GALNT14: variants seen among roughly 807,000 people sequenced by gnomAD.
GALNT14 encodes the protein polypeptide N-acetylgalactosaminyltransferase 14, also known as UDP-GalNAc:polypeptide N-acetylgalactosaminyltransferase 14.
A neutral mutation model predicts 77.5 loss-of-function variants in GALNT14; 60 were observed. The observed-to-expected ratio is 0.77, with a 90% confidence interval of 0.63 to 0.96. The LOEUF (loss-of-function observed/expected upper bound fraction) is 0.96, where lower values mean the gene tolerates loss of function less well. Among genes scored for constraint, GALNT14 ranks in the 40% least tolerant of loss-of-function variants. GALNT14 has a pLI of 0.00. For missense variants in GALNT14, 710 were observed against 731.0 expected, an observed-to-expected ratio of 0.97 and a Z score of 0.33; for synonymous variants, 280 against 281.7, an observed-to-expected ratio of 0.99 and a Z score of 0.06.
At chr2:30,915,619 C>T (rs1205611514) in intron 13 of GALNT14, among the ~76,000 whole-genome samples, 1 of 152,220 alleles carries the variant, frequency 6.6e-6, no homozygotes, top group East Asian at 1.9e-4. Flanking sequence ...ATCCTGCAGT[C>T]AGAAACAGAC....
intron 1 of GALNT14, among the ~76,000 whole-genome samples, chr2:31,023,444 G>A (rs140577446): frequency 5.5e-4 from 84 of 152,120 alleles, no homozygotes; most frequent in Admixed American, 1.3e-3. Flanking sequence ...CATACATGCG[G>A]TGAATTTCCC....
At chr2:30,936,507 T>C (rs1430512229) in intron 9 of GALNT14, among the ~76,000 whole-genome samples, 4 of 152,226 alleles carry the variant, frequency 2.6e-5, no homozygotes, top group African/African-American at 9.6e-5. Flanking sequence ...TACAATAGCA[T>C]TGTCCATTCT....
At chr2:31,057,529 G>T (rs987754598) in intron 1 of GALNT14, among the ~76,000 whole-genome samples, 1 of 151,316 alleles carries the variant, frequency 6.6e-6, no homozygotes, top group Non-Finnish European at 1.5e-5. Flanking sequence ...ACGGCACCAG[G>T]CCTGGCTCTA....
At chr2:30,916,796 G>A (rs1664707358) in intron 13 of GALNT14, among the ~76,000 whole-genome samples, 1 of 150,170 alleles carries the variant, frequency 6.7e-6, no homozygotes, top group Non-Finnish European at 1.5e-5. Context: ...AACTAAAAGA[G>A]GGTCAGGCGC....
chr2:31,043,958 ATCCC>A (rs1673261848), intron 1 of GALNT14, among the ~76,000 whole-genome samples: 2 of 13,964 alleles, frequency 1.4e-4, no homozygotes, highest in Admixed American at 1.2e-3. Context: ...TGCTCCCTGC[ATCCC>A]AGGGACCAGC....
At position 31,013,693 on chromosome 2, in the gene GALNT14, A is replaced by C. The variant is rs183100117; in HGVS notation, c.130-20686T>G. ...CCACTATGGCAGACTTCTAATTTGG[A>C]CCCCAGTCTGTCTGGCCCATGCTCT... On this transcript the variant is annotated intron_variant, in intron 1 of 14. Transcript: ENST00000349752. Among the ~76,000 whole-genome samples the C allele has an allele frequency of 3.8e-4, 57 of 151,852 alleles. No homozygotes were observed. In the East Asian group the frequency reaches 0.011, roughly 29 times the overall value.
intron 1 of GALNT14, among the ~76,000 whole-genome samples, chr2:31,024,340 C>A (rs1428700443): frequency 6.6e-6 from 1 of 152,140 alleles, no homozygotes; most frequent in Non-Finnish European, 1.5e-5. Flanking sequence ...CTTCTCCTGG[C>A]TGCACAACTC....
Position 30,924,286 on chromosome 2 carries a change from G to C in GALNT14, c.1236-23C>G, listed in dbSNP as rs1665219364. The stretch of plus-strand genomic sequence containing the variant: ...ATGCTGGAGGAGAGTCACAGGGAGA[G>C]AGGAGAGTCCACTGCTCATTGGATT... On this transcript the variant is annotated intron_variant, in intron 12 of 14. Transcript: ENST00000349752. 1.9e-6 allele frequency: 3 copies of C among 1,613,418 alleles called. No homozygotes were observed. The African/African-American group carries it at 4.0e-5, about 22-fold the overall frequency.
At position 30,917,076 on chromosome 2, in the gene GALNT14, C is replaced by CAAAAAAAAAAAAAAAAA. The variant is rs529653696; in HGVS notation, c.1381-4751_1381-4735dup. On this transcript the variant is annotated intron_variant, in intron 13 of 14. Transcript: ENST00000349752. ...TGGGCAAAAGAGTAAGACTCCGTCT[C>CAAAAAAAAAAAAAAAAA]AAAAAAAAAAAAAAAAAAAAAAAAA... Among the ~76,000 whole-genome samples, 31 of 19,908 alleles carry CAAAAAAAAAAAAAAAAA rather than the reference C, an allele frequency of 1.6e-3. 8 individuals are homozygous for CAAAAAAAAAAAAAAAAA. Among genetic ancestry groups the CAAAAAAAAAAAAAAAAA allele is most frequent in the Non-Finnish European group, 2.4e-3 (26 of 10,812 alleles). 13.1% of individuals were successfully genotyped at this position (19,908 alleles called of 152,430 possible).
chr2:31,075,556 G>C (rs548919823), intron 1 of GALNT14, among the ~76,000 whole-genome samples: 2 of 152,324 alleles, frequency 1.3e-5, no homozygotes, highest in African/African-American at 4.8e-5. Context: ...GCATTTCTGA[G>C]AAATAGAGAG....
In GALNT14 at chr2:31,008,824, C is replaced by T. The variant is rs1177631112; in HGVS notation, c.130-15817G>A. On this transcript the variant is annotated intron_variant, in intron 1 of 14. Coordinates refer to ENST00000349752, the MANE Select transcript of GALNT14 (RefSeq NM_024572.4). ...GATTACAGTGCAGTCGACACCGCTC[C>T]GGGAGGAAAGGCGACAGGGACTCTA... 3.9e-5 allele frequency among the ~76,000 whole-genome samples: 6 copies of T among 152,172 alleles called. No individual in the cohort carries two copies. In the East Asian group the frequency reaches 5.8e-4, roughly 15 times the overall value.
chr2:31,096,503 G>C (rs1010377561), intron 1 of GALNT14, among the ~76,000 whole-genome samples: 2 of 152,126 alleles, frequency 1.3e-5, no homozygotes, highest in African/African-American at 4.8e-5. Context: ...ATAAAACAGA[G>C]TCATTAAAAG....
chr2:31,096,537 C>T (rs970880900), intron 1 of GALNT14, among the ~76,000 whole-genome samples: 12 of 152,140 alleles, frequency 7.9e-5, no homozygotes, highest in Admixed American at 7.2e-4. Context: ...TTGTGCATTA[C>T]AGTCTTCAAA....
chr2:31,076,025 G>C (rs556621278), intron 1 of GALNT14, among the ~76,000 whole-genome samples: 1 of 152,132 alleles, frequency 6.6e-6, no homozygotes, highest in Admixed American at 6.6e-5. Flanking sequence ...CAACCTATCC[G>C]TCTACCTGGT....
chr2:30,981,858 C>G (rs1209566285), intron 2 of GALNT14, among the ~76,000 whole-genome samples: 1 of 152,184 alleles, frequency 6.6e-6, no homozygotes, highest in Non-Finnish European at 1.5e-5. Flanking sequence ...ACCCAGGGAG[C>G]TGAAGGCATT....
At chr2:31,056,609 G>A (rs757035964) in intron 1 of GALNT14, among the ~76,000 whole-genome samples, 11 of 152,058 alleles carry the variant, frequency 7.2e-5, no homozygotes, top group Non-Finnish European at 1.3e-4. Flanking sequence ...CCTGCCATGG[G>A]GAGGCCTTTA....
chr2:30,983,282 A>G (rs2148382224), intron 2 of GALNT14, among the ~76,000 whole-genome samples: 1 of 152,084 alleles, frequency 6.6e-6, no homozygotes, highest in East Asian at 1.9e-4. Context: ...GGGGGCATTC[A>G]AGTTCCATGA....
intron 6 of GALNT14, among the ~76,000 whole-genome samples, chr2:30,953,137 T>C (rs938208017): frequency 2.0e-5 from 3 of 152,256 alleles, no homozygotes; most frequent in Middle Eastern, 3.4e-3. Flanking sequence ...CAGGCATGAA[T>C]GGCAGCAGGA....
intron 1 of GALNT14, among the ~76,000 whole-genome samples, chr2:31,049,790 C>T (rs1425468034): frequency 1.3e-5 from 2 of 152,206 alleles, no homozygotes; most frequent in Non-Finnish European, 2.9e-5. Flanking sequence ...TCACTGATTC[C>T]CTTCTGACTG....
Sources: allele counts gnomAD v4.1 joint callset (sites outside exome capture counted in the v4.1 genomes callset), GRCh38; gene constraint gnomAD v4.1.1; transcripts MANE v1.5; gene names NCBI Gene and HGNC (gene_info 2026-07-23, HGNC 2026-07-21).